The following ASIC2 variants were observed in gnomAD, a reference collection of about 807,000 sequenced individuals.
ASIC2 encodes acid-sensing ion channel 2.
Under a neutral mutation model 57.3 loss-of-function variants are expected in ASIC2, and 25 were observed. That is an observed-to-expected ratio of 0.44 (90% CI 0.32 to 0.61). The LOEUF (loss-of-function observed/expected upper bound fraction) is 0.61, where lower values mean the gene tolerates loss of function less well. ASIC2 is among the 20% of genes least tolerant of loss of function. The probability of loss-of-function intolerance (pLI) is 0.06; values close to 1 mark genes in which losing one functional copy is unlikely to be tolerated. For missense variants in ASIC2, 641 were observed against 738.1 expected (o/e 0.87, Z 1.52); for synonymous variants, 319 against 307.5 (o/e 1.04, Z -0.39).
chr17:33,246,715 C>T (rs932860917), intron 1 of ASIC2, among the ~76,000 whole-genome samples: 2 of 152,234 alleles, frequency 1.3e-5, no homozygotes, highest in African/African-American at 2.4e-5. Context: ...TTACAAAGCA[C>T]TTTTGACATA....
chr17:33,411,963 G>C (rs1910677522), intron 1 of ASIC2, among the ~76,000 whole-genome samples: 1 of 152,016 alleles, frequency 6.6e-6, no homozygotes, highest in African/African-American at 2.4e-5. Context: ...ATTTGGTTAG[G>C]GTTTGAACAA....
At chr17:33,279,852 T>C (rs975462926) in intron 1 of ASIC2, among the ~76,000 whole-genome samples, 3 of 152,170 alleles carry the variant, frequency 2.0e-5, no homozygotes, top group African/African-American at 7.2e-5. Context: ...GGTTTCCTCA[T>C]TGGTAAAATG....
intron 1 of ASIC2, among the ~76,000 whole-genome samples, chr17:34,032,411 C>T (rs1417962528): frequency 1.3e-5 from 2 of 152,136 alleles, no homozygotes; most frequent in African/African-American, 4.8e-5. Flanking sequence ...CAAAAACATG[C>T]CAAATTGTAA....
At chr17:33,057,139 C>T (rs1284841268) in intron 3 of ASIC2, among the ~76,000 whole-genome samples, 1 of 152,132 alleles carries the variant, frequency 6.6e-6, no homozygotes, top group African/African-American at 2.4e-5. Flanking sequence ...ATCTGCATTA[C>T]AGGGAGGCTT....
rs1012862911 is a variant in ASIC2 at position 33,293,095 on chromosome 17, G to A, written c.-980C>T. 8.1e-5 allele frequency: 77 copies of A among 949,148 alleles called. No individual in the cohort carries two copies. The highest frequency in any genetic ancestry group is 9.0e-5 in the Non-Finnish European group (72 of 797,036). 58.8% of individuals were successfully genotyped at this position (949,148 alleles called of 1,614,324 possible). On this transcript the variant is annotated 5_prime_UTR_variant, in exon 1 of 10. Transcript: ENST00000225823. ...GGGGACCCGCCAACACCTCCCGGGG[G>A]TGACCCGGACTCGCTGCTCCGCGCG...
chr17:33,616,233 C>G (rs35516390), intron 1 of ASIC2, among the ~76,000 whole-genome samples: 9,380 of 122,020 alleles, frequency 0.077, 897 homozygotes, highest in African/African-American at 0.24. Context: ...TCTCCTTCTT[C>G]TTCCAAATGA....
chr17:33,065,168 G>A (rs1251560921), intron 3 of ASIC2, among the ~76,000 whole-genome samples: 1 of 151,894 alleles, frequency 6.6e-6, no homozygotes, highest in African/African-American at 2.4e-5. Flanking sequence ...TGTATTTATT[G>A]AAAATGATTG....
At chr17:33,590,470 C>T (rs917070978) in intron 1 of ASIC2, among the ~76,000 whole-genome samples, 7 of 152,088 alleles carry the variant, frequency 4.6e-5, no homozygotes, top group African/African-American at 1.7e-4. Context: ...TTATTTACTA[C>T]CAGGTCTGCT....
intron 1 of ASIC2, among the ~76,000 whole-genome samples, chr17:33,316,267 C>T (rs998833650): frequency 2.6e-5 from 4 of 152,186 alleles, no homozygotes; most frequent in East Asian, 1.9e-4. Flanking sequence ...TTGCTGAACA[C>T]GCTACAGTGT....
intron 1 of ASIC2, among the ~76,000 whole-genome samples, chr17:33,229,885 T>G (rs1908023900): frequency 6.6e-6 from 1 of 152,100 alleles, no homozygotes; most frequent in Admixed American, 6.5e-5. Context: ...AATATTCAAG[T>G]GGAGAGCAGG....
At chr17:33,700,177 G>T (rs1908653019) in intron 1 of ASIC2, among the ~76,000 whole-genome samples, 2 of 152,118 alleles carry the variant, frequency 1.3e-5, no homozygotes, top group Admixed American at 6.5e-5. Context: ...ATCCTCAAAG[G>T]GTTGGAACCC....
chr17:33,954,539 A>G (rs746326653), intron 1 of ASIC2, among the ~76,000 whole-genome samples: 7 of 152,226 alleles, frequency 4.6e-5, no homozygotes, highest in Non-Finnish European at 1.0e-4. Context: ...CATCATTAAG[A>G]TGAGAAGAGG....
chr17:33,579,319 T>G (rs1016804009), intron 1 of ASIC2, among the ~76,000 whole-genome samples: 15 of 145,750 alleles, frequency 1.0e-4, no homozygotes, highest in African/African-American at 2.3e-4. Context: ...GGTGGGTGAC[T>G]CAGATGTTGG....
chr17:33,216,427 G>A (rs909332309), intron 1 of ASIC2, among the ~76,000 whole-genome samples: 1 of 152,224 alleles, frequency 6.6e-6, no homozygotes, highest in Non-Finnish European at 1.5e-5. Flanking sequence ...AACTCTTGCT[G>A]TCTGGAGTGA....
intron 1 of ASIC2, among the ~76,000 whole-genome samples, chr17:33,836,060 T>TTATA (rs199589904): frequency 1.4e-5 from 2 of 145,024 alleles, no homozygotes; most frequent in Non-Finnish European, 3.1e-5. Flanking sequence ...ATATCATATA[T>TTATA]TATATATATA....
chr17:33,826,641 A>G, intron 1 of ASIC2, among the ~76,000 whole-genome samples: 1 of 152,324 alleles, frequency 6.6e-6, no homozygotes, highest in East Asian at 1.9e-4. Context: ...CAGGTGCTCC[A>G]TCACATGCTT....
chr17:33,900,089 A>G (rs898935729), intron 1 of ASIC2, among the ~76,000 whole-genome samples: 1 of 152,242 alleles, frequency 6.6e-6, no homozygotes, highest in Non-Finnish European at 1.5e-5. Context: ...AACCTAAGTG[A>G]CACATGGTAA....
chr17:33,910,679 G>T (rs949919598), intron 1 of ASIC2, among the ~76,000 whole-genome samples: 1 of 152,182 alleles, frequency 6.6e-6, no homozygotes, highest in Non-Finnish European at 1.5e-5. Context: ...CTAGCACATG[G>T]CCTGACACAG....
At chr17:33,377,895 C>T (rs1244623297) in intron 1 of ASIC2, among the ~76,000 whole-genome samples, 1 of 152,244 alleles carries the variant, frequency 6.6e-6, no homozygotes, top group East Asian at 1.9e-4. Context: ...TCACTGCATG[C>T]TATTTTATCA....
Sources: allele counts gnomAD v4.1 joint callset (sites outside exome capture counted in the v4.1 genomes callset), GRCh38; gene constraint gnomAD v4.1.1; transcripts MANE v1.5; gene names NCBI Gene and HGNC (gene_info 2026-07-23, HGNC 2026-07-21).